Variants in TOMM7 observed in about 807,000 individuals in gnomAD.
TOMM7 encodes the protein translocase of outer mitochondrial membrane 7.
In TOMM7, 8 loss-of-function variants were observed where a neutral mutation model predicts 9.5. The observed-to-expected ratio is 0.84, with a 90% CI of 0.49 to 1.51. The LOEUF (loss-of-function observed/expected upper bound fraction) is 1.51, where lower values mean the gene tolerates loss of function less well. Ranked by LOEUF, TOMM7 falls within the 40% of genes most tolerant of loss-of-function variation. The probability of loss-of-function intolerance (pLI) is 0.00; values close to 1 mark genes in which losing one functional copy is unlikely to be tolerated. For missense variants in TOMM7, 74 were observed against 63.7 expected (o/e 1.16, Z -0.55); for synonymous variants, 27 against 21.4 (o/e 1.26, Z -0.72).
Position 22,813,088 on chromosome 7 carries a change from T to G in TOMM7, c.*82A>C. The G allele has an allele frequency of 7.0e-7, 1 of 1,437,368 alleles. No individual in the cohort carries two copies. Among genetic ancestry groups the G allele is most frequent in the Non-Finnish European group, 9.8e-7 (1 of 1,019,994 alleles). The allele number at this position is 1,437,368 out of a possible 1,614,324, so 89.0% of individuals were successfully genotyped here. A position where few individuals can be genotyped will look rare whatever the true frequency, so the allele number is the denominator to read the frequency against. ...CCATCCAACTAGTGACTGAATGATG[T>G]CCCATCTCTTATCCGAGCCAGAGCA... On this transcript the variant is annotated 3_prime_UTR_variant, in exon 3 of 3. Transcript: ENST00000358435.
intron 1 of TOMM7, among the ~76,000 whole-genome samples, chr7:22,819,419 G>A (rs560418231): frequency 1.5e-4 from 22 of 151,654 alleles, no homozygotes; most frequent in African/African-American, 4.6e-4. Context: ...CCAGGCTGGA[G>A]TGTAGTGGCA....
Position 22,814,729 on chromosome 7 carries a change from A to G in TOMM7, c.153-1544T>C, listed in dbSNP as rs146927417. Among the ~76,000 whole-genome samples, 33 of 152,340 alleles carry G rather than the reference A, an allele frequency of 2.2e-4. No homozygotes were observed. In the East Asian group the frequency reaches 5.4e-3, roughly 25 times the overall value. ...GTCAACCAATATTTGCTGACCACAT[A>G]CAATGAGTCATCCTGGGTGAAAGAG... On this transcript the variant is annotated intron_variant, in intron 2 of 2. Coordinates refer to ENST00000358435, the MANE Select transcript of TOMM7 (RefSeq NM_019059.5).
intron 1 of TOMM7, chr7:22,818,482 T>C (rs1016989936): frequency 1.3e-5 from 2 of 156,790 alleles, no homozygotes; most frequent in African/African-American, 2.4e-5. Flanking sequence ...AGTCTCACCA[T>C]GTTGGCCAGG....
intron 1 of TOMM7, among the ~76,000 whole-genome samples, chr7:22,819,725 G>C (rs1293712377): frequency 6.6e-6 from 1 of 151,858 alleles, no homozygotes; most frequent in Non-Finnish European, 1.5e-5. Context: ...CTTTGCTCTG[G>C]CTGAAGGTAC....
chr7:22,822,760 T>C lies in TOMM7; in HGVS notation c.20A>G (p.Glu7Gly), dbSNP rs1361162491. 6.2e-7 allele frequency: 1 copy of C among 1,614,200 alleles called. No homozygotes were observed. The change falls in exon 1 of 3, where the codon GAG (glutamate) becomes GGG (glycine). Residue 7 changes from glutamate to glycine, a missense_variant. Physicochemically the swap from Glu to Gly is moderately conservative, Grantham distance 98. Coordinates refer to ENST00000358435, the MANE Select transcript of TOMM7 (RefSeq NM_019059.5). ...GAGCTGCTGTAGTCTCTGCTTGGCC[T>C]CTTTGCTCAGCTTCACCATGGCGAC... Reference protein sequence around the residue: MVKLSKEAKQRLQQLFK... With the variant: MVKLSKGAKQRLQQLFK...
rs956222312 is a variant in TOMM7 at position 22,812,990 on chromosome 7, T to C, written c.*180A>G. 2.3e-5 allele frequency: 14 copies of C among 620,098 alleles called. No individual in the cohort carries two copies. Among genetic ancestry groups the C allele is most frequent in the African/African-American group, 7.4e-5 (4 of 54,116 alleles). The allele number at this position is 620,098 out of a possible 1,614,324, so 38.4% of individuals were successfully genotyped here. On this transcript the variant is annotated 3_prime_UTR_variant, in exon 3 of 3. Transcript: ENST00000358435. Reference sequence around the variant, plus strand: ...CAAGCATAACACTGTTAAAAACATTTATTCTGATACATTCTATCATAAGTT... The same window carrying C: ...CAAGCATAACACTGTTAAAAACATTCATTCTGATACATTCTATCATAAGTT...
At chr7:22,820,633 A>C (rs1236846888) in intron 1 of TOMM7, among the ~76,000 whole-genome samples, 1 of 152,188 alleles carries the variant, frequency 6.6e-6, no homozygotes, top group Admixed American at 6.5e-5. Flanking sequence ...TCTCTTAGCT[A>C]AAAGGGGAGC....
intron 1 of TOMM7, among the ~76,000 whole-genome samples, chr7:22,821,889 A>G (rs1253861583): frequency 6.6e-6 from 1 of 152,170 alleles, no homozygotes. Flanking sequence ...AGTCCCAGCT[A>G]CTTGGGAGAC....
chr7:22,817,526 T>C, intron 2 of TOMM7: 1 of 208,416 alleles, frequency 4.8e-6, no homozygotes, highest in Non-Finnish European at 1.0e-5. Context: ...AGTGCTGAGA[T>C]TACAGGTGTG....
chr7:22,818,924 A>C (rs1782351008), intron 1 of TOMM7, among the ~76,000 whole-genome samples: 1 of 151,950 alleles, frequency 6.6e-6, no homozygotes, highest in Non-Finnish European at 1.5e-5. Context: ...AAAACTACTG[A>C]ACTTTTTAAA....
At chr7:22,817,899 G>T in intron 2 of TOMM7, 101 bp downstream of exon 2, 1 of 1,128,184 alleles carries the variant, frequency 8.9e-7, no homozygotes, top group Non-Finnish European at 1.3e-6. Flanking sequence ...GACTGATAAA[G>T]CTCCATTTCA....
intron 1 of TOMM7, among the ~76,000 whole-genome samples, chr7:22,819,788 G>C (rs553966662): frequency 6.6e-6 from 1 of 152,110 alleles, no homozygotes. Context: ...TGGAACAAAG[G>C]GTCATCAGAG....
intron 2 of TOMM7, chr7:22,817,213 A>G (rs1782327774): frequency 6.6e-6 from 1 of 152,576 alleles, no homozygotes; most frequent in Admixed American, 6.5e-5. Flanking sequence ...ATGCACATAT[A>G]CGCATACATA....
rs1782415530 is a variant in TOMM7, at chr7:22,822,844, G to A, written c.-65C>T. On this transcript the variant is annotated 5_prime_UTR_variant, in exon 1 of 3. Coordinates refer to ENST00000358435, the MANE Select transcript of TOMM7 (RefSeq NM_019059.5). Reference sequence around the variant, plus strand: ...ACCACAGCGTCGGGAATCCGAAAGGGAAAGGAGGTGCGCAGGCGCCACACA... The same window carrying A: ...ACCACAGCGTCGGGAATCCGAAAGGAAAAGGAGGTGCGCAGGCGCCACACA... 2 of 1,363,664 alleles carry A rather than the reference G, an allele frequency of 1.5e-6. No homozygotes were observed. Among genetic ancestry groups the A allele is most frequent in the Admixed American group, 1.7e-5 (1 of 58,738 alleles). The allele number at this position is 1,363,664 out of a possible 1,614,324, so 84.5% of individuals were successfully genotyped here. A position where few individuals can be genotyped will look rare whatever the true frequency, so the allele number is the denominator to read the frequency against.
chr7:22,820,881 G>T (rs1782378711), intron 1 of TOMM7, among the ~76,000 whole-genome samples: 1 of 152,170 alleles, frequency 6.6e-6, no homozygotes, highest in Admixed American at 6.5e-5. Flanking sequence ...TTATCAGTTG[G>T]CTTGCAACTC....
chr7:22,817,816 A>G (rs561591349), intron 2 of TOMM7, 184 bp downstream of exon 2: 5 of 563,192 alleles, frequency 8.9e-6, no homozygotes, highest in East Asian at 3.0e-5. Flanking sequence ...TAGTTATAAC[A>G]TGGTACAGTA....
chr7:22,819,942 T>C (rs1424736331), intron 1 of TOMM7, among the ~76,000 whole-genome samples: 1 of 152,172 alleles, frequency 6.6e-6, no homozygotes, highest in Non-Finnish European at 1.5e-5. Context: ...TATAGCACTA[T>C]ACTCCCTGAA....
intron 1 of TOMM7, among the ~76,000 whole-genome samples, chr7:22,818,803 G>T (rs184594116): frequency 3.5e-4 from 53 of 151,972 alleles, no homozygotes; most frequent in African/African-American, 1.0e-3. Context: ...TTAGAGACAA[G>T]GTTTCACTAT....
Position 22,822,005 on chromosome 7 carries a change from C to A in TOMM7, c.103+672G>T. 5.0e-6 allele frequency: 5 copies of A among 991,396 alleles called. No homozygotes were observed. In the South Asian group the frequency reaches 7.7e-5, roughly 15 times the overall value. The allele number at this position is 991,396 out of a possible 1,614,324, so 61.4% of individuals were successfully genotyped here. A position where few individuals can be genotyped will look rare whatever the true frequency, so the allele number is the denominator to read the frequency against. ...ACAGAGCGAGACTCTGTCTTAAAAA[C>A]AAAAACCAAAAAAACCCCAAATCCT... On this transcript the variant is annotated intron_variant, in intron 1 of 2. Coordinates refer to ENST00000358435, the MANE Select transcript of TOMM7 (RefSeq NM_019059.5).
Sources: gnomAD v4.1 joint callset for allele counts (sites outside exome capture counted in the v4.1 genomes callset) on GRCh38, gnomAD v4.1.1 for gene constraint, MANE v1.5 for transcripts, NCBI Gene and HGNC (gene_info 2026-07-23, HGNC 2026-07-21) for gene names.